Variants in DIDO1 observed in about 807,000 individuals in gnomAD.
DIDO1 encodes the protein death-inducer obliterator 1.
DIDO1 carries 16 observed loss-of-function variants against 99.4 expected under a neutral mutation model. The ratio of observed to expected loss-of-function variants is 0.16; its 90% CI spans 0.11 to 0.24. The LOEUF is 0.24. Among genes scored for constraint, DIDO1 ranks in the 10% least tolerant of loss-of-function variants. The pLI is 1.00. For synonymous variants in DIDO1, 1,366 were observed against 1,239.1 expected, an observed-to-expected ratio of 1.10 and a Z score of -2.15; for missense variants, 2,996 against 3,014.0, an observed-to-expected ratio of 0.99 and a Z score of 0.14.
At position 62,884,974 on chromosome 20, in the gene DIDO1, C is replaced by T. The variant is rs544880171; in HGVS notation, c.3542-2560G>A. On this transcript the variant is annotated intron_variant, in intron 15 of 15. Coordinates refer to ENST00000395343, the MANE Select transcript of DIDO1 (RefSeq NM_001193369.2). ...CATGTTCTGCTTAACATGAGTTGAA[C>T]ATATTTTAAAACGGTATTTCTCTCA... 2.6e-5 allele frequency among the ~76,000 whole-genome samples: 4 copies of T among 152,338 alleles called. No homozygotes were observed. In the East Asian group the frequency reaches 7.7e-4, roughly 29 times the overall value.
intron 6 of DIDO1, 151 bp from the exon 7 acceptor site, chr20:62,897,147 AG>A: frequency 1.4e-6 from 1 of 736,262 alleles, no homozygotes. Flanking sequence ...GTAAAATGTT[AG>A]TGTTCAGAGG....
At chr20:62,900,723 C>A (rs775207398) in intron 6 of DIDO1, among the ~76,000 whole-genome samples, 1 of 152,180 alleles carries the variant, frequency 6.6e-6, no homozygotes, top group Non-Finnish European at 1.5e-5. Flanking sequence ...AATGAAGTGG[C>A]CTGCCCTGTC....
chr20:62,895,094 A>T lies in DIDO1; in HGVS notation c.2286T>A (p.Leu762=). Residue 762 remains leucine (L), a synonymous_variant, in exon 9 of 16, where the codon CTT becomes CTA. Coordinates refer to ENST00000395343, the MANE Select transcript of DIDO1 (RefSeq NM_001193369.2). ...TCCACGTGGAAAGCTCTTTAGATAC[A>T]AGTTCTTCTGGCTTCAGTCTCACAA... ...AKLVRLKPEE[L]VSKELSTWKE... The T allele has an allele frequency of 6.2e-7, 1 of 1,611,846 alleles. No homozygotes were observed. Among genetic ancestry groups the T allele is most frequent in the African/African-American group, 1.3e-5 (1 of 75,002 alleles).
At chr20:62,909,661 C>T (rs373852868) in intron 4 of DIDO1, 38 bp downstream of exon 4, 9 of 1,600,944 alleles carry the variant, frequency 5.6e-6, no homozygotes, top group African/African-American at 4.0e-5. Context: ...CCAGTGAGGC[C>T]GACTGCTGAA....
At position 62,879,823 on chromosome 20, in the gene DIDO1, C is replaced by G. The variant is rs750119453; in HGVS notation, c.6133G>C (p.Gly2045Arg). The G allele has an allele frequency of 4.4e-6, 7 of 1,608,978 alleles. No individual in the cohort carries two copies. The highest frequency in any genetic ancestry group is 5.1e-6 in the Non-Finnish European group (6 of 1,178,668). ...QHRKDRWEEA[G>R]PPSALSSSAP... ...CTGGAGGAGAGCGCGGAGGGCGGCCCGGCCTCCTCCCAGCGGTCCTTCCGG... is the reference window on the plus strand; with the variant it reads ...CTGGAGGAGAGCGCGGAGGGCGGCCGGGCCTCCTCCCAGCGGTCCTTCCGG... The change falls in exon 16 of 16, where the codon GGG (glycine) becomes CGG (arginine). Residue 2045 changes from glycine to arginine, a missense_variant. This residue lies in a region of DIDO1 where 1,562 missense variants were observed against 1,412.6 expected (regional missense o/e 1.11). Coordinates refer to ENST00000395343, the MANE Select transcript of DIDO1 (RefSeq NM_001193369.2). The surrounding 1 kb of genome is among the most constrained non-coding windows in gnomAD (Gnocchi z 6.3).
intron 8 of DIDO1, among the ~76,000 whole-genome samples, chr20:62,895,923 T>C (rs1308360812): frequency 6.6e-6 from 1 of 152,196 alleles, no homozygotes; most frequent in Non-Finnish European, 1.5e-5. Flanking sequence ...GGACTTTATT[T>C]TGGAGCCCAG....
chr20:62,892,726 A>C (rs2064425602), intron 13 of DIDO1, 83 bp downstream of exon 13: 11 of 1,486,774 alleles, frequency 7.4e-6, no homozygotes, highest in Non-Finnish European at 1.0e-5. Flanking sequence ...TCATGAATTA[A>C]GGGAGAAAGT....
chr20:62,931,754 C>A (rs1045164606), intron 1 of DIDO1, among the ~76,000 whole-genome samples: 3 of 152,206 alleles, frequency 2.0e-5, no homozygotes, highest in Non-Finnish European at 4.4e-5. Context: ...TACCTAACCT[C>A]AATGCCTTGG....
chr20:62,899,990 G>C (rs759300809), intron 6 of DIDO1, among the ~76,000 whole-genome samples: 13 of 152,222 alleles, frequency 8.5e-5, no homozygotes, highest in African/African-American at 3.1e-4. Context: ...AATTTGCTTT[G>C]AACTATTACG....
At chr20:62,915,516 T>A (rs1017755102) in intron 1 of DIDO1, among the ~76,000 whole-genome samples, 1 of 152,224 alleles carries the variant, frequency 6.6e-6, no homozygotes. Flanking sequence ...AGAGTTGGCA[T>A]CTTGCTTTGT....
Position 62,880,283 on chromosome 20 carries a change from G to T in DIDO1, c.5673C>A (p.Gly1891=). Residue 1891 remains glycine (G), a synonymous_variant, in exon 16 of 16, where the codon GGC becomes GGA. Transcript: ENST00000395343. ...GCTGAGACAGCAGTGGCCTTCTCTGGCCTCCGAACTGGAAAGGCGCGCCGC... is the reference window on the plus strand; with the variant it reads ...GCTGAGACAGCAGTGGCCTTCTCTGTCCTCCGAACTGGAAAGGCGCGCCGC... ...SRGGAPFQFG[G]QRRPLLSQLK... 1 of 1,612,702 alleles carries T rather than the reference G, an allele frequency of 6.2e-7. No individual in the cohort carries two copies. Among genetic ancestry groups the T allele is most frequent in the Non-Finnish European group, 8.5e-7 (1 of 1,179,934 alleles).
intron 1 of DIDO1, among the ~76,000 whole-genome samples, chr20:62,935,345 G>C (rs1272275619): frequency 1.3e-5 from 2 of 151,906 alleles, no homozygotes; most frequent in Non-Finnish European, 2.9e-5. Flanking sequence ...AATATTTATG[G>C]AGCTCCTATT....
At chr20:62,883,219 C>G (rs1342963349) in intron 15 of DIDO1, among the ~76,000 whole-genome samples, 1 of 151,848 alleles carries the variant, frequency 6.6e-6, no homozygotes. Context: ...CCACCGCACC[C>G]GGACCCCTTT....
intron 4 of DIDO1, 118 bp downstream of exon 4, chr20:62,909,581 G>A: frequency 8.0e-7 from 1 of 1,254,796 alleles, no homozygotes; most frequent in East Asian, 2.3e-5. Context: ...CAGGAACCCG[G>A]GAGAGGCACC....
At chr20:62,902,196 G>A (rs1320678603) in intron 6 of DIDO1, among the ~76,000 whole-genome samples, 1 of 152,180 alleles carries the variant, frequency 6.6e-6, no homozygotes, top group Non-Finnish European at 1.5e-5. Context: ...CGGTTACGGA[G>A]GTGTGAAACC....
chr20:62,913,218 G>A (rs1468920615), intron 2 of DIDO1, among the ~76,000 whole-genome samples: 1 of 151,968 alleles, frequency 6.6e-6, no homozygotes, highest in East Asian at 1.9e-4. Context: ...CGGAAGCCTT[G>A]GAGATAAGGG....
intron 6 of DIDO1, among the ~76,000 whole-genome samples, chr20:62,899,572 A>AC (rs1236135611): frequency 6.6e-6 from 1 of 152,200 alleles, no homozygotes; most frequent in Non-Finnish European, 1.5e-5. Flanking sequence ...GTTTAAAACC[A>AC]CCCATTACCC....
At position 62,895,040 on chromosome 20, in the gene DIDO1, A is replaced by C. The variant is rs771773275; in HGVS notation, c.2331+9T>G. ...CTGGGTGCCTCCGCAGGTACCCCTC[A>C]GCACTCACAGATCTCGCTGGCCTCT... On this transcript the variant is annotated intron_variant, in intron 9 of 15. Coordinates refer to ENST00000395343, the MANE Select transcript of DIDO1 (RefSeq NM_001193369.2). 1 of 1,604,186 alleles carries C rather than the reference A, an allele frequency of 6.2e-7. No homozygotes were observed. The highest frequency in any genetic ancestry group is 8.5e-7 in the Non-Finnish European group (1 of 1,171,344).
chr20:62,890,459 T>C, intron 15 of DIDO1: 16 of 992,712 alleles, frequency 1.6e-5, no homozygotes, highest in Non-Finnish European at 1.9e-5. Flanking sequence ...AATGAACCTA[T>C]TACAATTTGA....
Sources: gnomAD v4.1 joint callset for allele counts (sites outside exome capture counted in the v4.1 genomes callset) on GRCh38, gnomAD v4.1.1 for gene constraint, gnomAD v4.1.1 regional missense constraint, Gnocchi (gnomAD v3.1) non-coding constraint, MANE v1.5 for transcripts, NCBI Gene and HGNC (gene_info 2026-07-23, HGNC 2026-07-21) for gene names.